Variants in NR3C2 observed in about 807,000 individuals in gnomAD.
NR3C2 encodes mineralocorticoid receptor.
Under a neutral mutation model 86.4 loss-of-function variants are expected in NR3C2, and 15 were observed. The observed-to-expected ratio is 0.17, with a 90% CI of 0.12 to 0.27. The LOEUF (loss-of-function observed/expected upper bound fraction) is 0.27, where lower values mean the gene tolerates loss of function less well. Among genes scored for constraint, NR3C2 ranks in the 10% least tolerant of loss-of-function variants. NR3C2 has a pLI of 1.00. For synonymous variants in NR3C2, 458 were observed against 450.5 expected, an observed-to-expected ratio of 1.02 and a Z score of -0.21; for missense variants, 960 against 1,195.6, an observed-to-expected ratio of 0.80 and a Z score of 2.91.
At chr4:148,287,285 C>T (rs1173810775) in intron 2 of NR3C2, among the ~76,000 whole-genome samples, 1 of 152,214 alleles carries the variant, frequency 6.6e-6, no homozygotes. Context: ...GGGAAGGCTT[C>T]CTATCTGATG....
At chr4:148,173,861 G>C (rs1735248105) in intron 4 of NR3C2, among the ~76,000 whole-genome samples, 1 of 152,162 alleles carries the variant, frequency 6.6e-6, no homozygotes, top group African/African-American at 2.4e-5. Flanking sequence ...AGCGTGGGCG[G>C]GAGGAGCCCC....
intron 3 of NR3C2, among the ~76,000 whole-genome samples, chr4:148,209,706 AT>A (rs1166484577): frequency 2.6e-5 from 4 of 152,156 alleles, no homozygotes; most frequent in Non-Finnish European, 5.9e-5. Flanking sequence ...CCACCAGCTG[AT>A]TTTTAGCTTA....
intron 4 of NR3C2, among the ~76,000 whole-genome samples, chr4:148,190,760 T>A (rs1736157218): frequency 6.6e-6 from 1 of 152,180 alleles, no homozygotes; most frequent in South Asian, 2.1e-4. Flanking sequence ...ACTGCTGCTT[T>A]AAAGTTTGTT....
intron 8 of NR3C2, among the ~76,000 whole-genome samples, chr4:148,112,455 A>T (rs1449614783): frequency 6.6e-6 from 1 of 152,196 alleles, no homozygotes; most frequent in African/African-American, 2.4e-5. Flanking sequence ...CATGTAGATG[A>T]TCTGTGGTTT....
At chr4:148,343,415 C>T (rs1349550427) in intron 2 of NR3C2, among the ~76,000 whole-genome samples, 1 of 150,778 alleles carries the variant, frequency 6.6e-6, no homozygotes, top group Middle Eastern at 3.4e-3. Flanking sequence ...CCGACCCCCC[C>T]TTTTTTTTAA....
At chr4:148,379,479 T>C (rs558180656) in intron 2 of NR3C2, among the ~76,000 whole-genome samples, 1 of 152,266 alleles carries the variant, frequency 6.6e-6, no homozygotes, top group Admixed American at 6.5e-5. Context: ...AGCCAGGATA[T>C]ATCTGAAGAG....
intron 8 of NR3C2, among the ~76,000 whole-genome samples, chr4:148,089,374 C>A (rs541469732): frequency 6.6e-6 from 1 of 152,284 alleles, no homozygotes; most frequent in African/African-American, 2.4e-5. Context: ...CATCTGTATC[C>A]GGGCTATAAG....
At chr4:148,255,866 G>C (rs777543181) in intron 3 of NR3C2, among the ~76,000 whole-genome samples, 4 of 152,188 alleles carry the variant, frequency 2.6e-5, no homozygotes, top group Non-Finnish European at 5.9e-5. Context: ...GAAGTCAAAA[G>C]GCCTACACAA....
At chr4:148,131,277 A>T (rs1338973791) in intron 6 of NR3C2, among the ~76,000 whole-genome samples, 2 of 152,342 alleles carry the variant, frequency 1.3e-5, no homozygotes, top group East Asian at 3.9e-4. Flanking sequence ...GCACAGACGT[A>T]ATCACAGCTG....
intron 4 of NR3C2, among the ~76,000 whole-genome samples, chr4:148,191,775 T>C (rs1736205833): frequency 6.6e-6 from 1 of 152,240 alleles, no homozygotes; most frequent in Non-Finnish European, 1.5e-5. Context: ...TCAATTCTAT[T>C]GCTTAGACTT....
intron 2 of NR3C2, among the ~76,000 whole-genome samples, chr4:148,381,775 T>C (rs924167558): frequency 3.3e-5 from 5 of 152,312 alleles, no homozygotes; most frequent in Middle Eastern, 3.4e-3. Context: ...AATGATACCA[T>C]AGTTTTTCCA....
At chr4:148,358,493 G>T (rs894460361) in intron 2 of NR3C2, among the ~76,000 whole-genome samples, 64 of 128,814 alleles carry the variant, frequency 5.0e-4, no homozygotes, top group African/African-American at 1.6e-3. Flanking sequence ...AGGGGGGAGG[G>T]GTAGCATTGG....
chr4:148,215,558 A>AAC (rs1737490101), intron 3 of NR3C2, among the ~76,000 whole-genome samples: 1 of 152,206 alleles, frequency 6.6e-6, no homozygotes. Context: ...ATGCATTTGT[A>AAC]ACACTGAGGT....
intron 2 of NR3C2, among the ~76,000 whole-genome samples, chr4:148,295,916 T>C (rs183552725): frequency 1.3e-5 from 2 of 152,064 alleles, no homozygotes; most frequent in East Asian, 3.9e-4. Context: ...GGAGCTCTAA[T>C]AATTGCATTT....
chr4:148,084,633 A>G (rs1025535569), intron 8 of NR3C2, among the ~76,000 whole-genome samples: 25 of 152,236 alleles, frequency 1.6e-4, no homozygotes, highest in African/African-American at 5.8e-4. Flanking sequence ...ACCAGCTAGC[A>G]TCATAATGAC....
At chr4:148,266,963 G>A (rs1740427605) in intron 2 of NR3C2, among the ~76,000 whole-genome samples, 3 of 152,210 alleles carry the variant, frequency 2.0e-5, no homozygotes, top group Non-Finnish European at 2.9e-5. Flanking sequence ...GCAGTTTGGA[G>A]AGTTACGGGG....
At chr4:148,259,576 G>A (rs538441803) in intron 3 of NR3C2, among the ~76,000 whole-genome samples, 5 of 152,168 alleles carry the variant, frequency 3.3e-5, no homozygotes, top group Non-Finnish European at 4.4e-5. Flanking sequence ...TGATATTAAC[G>A]TTTTAATTTG....
rs1737039007 is a variant in NR3C2, at chr4:148,206,960, C to T, written c.1898-12098G>A. On this transcript the variant is annotated intron_variant, in intron 3 of 8. Transcript: ENST00000358102. ...TTTTTGAGATAGGGTCTTTCTCTGT[C>T]ATCTAGGCTGGAGTACAGTGGCATG... Among the ~76,000 whole-genome samples, 3 of 151,956 alleles carry T rather than the reference C, an allele frequency of 2.0e-5. No individual in the cohort carries two copies. In the South Asian group the frequency reaches 6.2e-4, roughly 32 times the overall value.
rs182136049 is a variant in NR3C2, at chr4:148,277,430, T to C, written c.1758-17313A>G. Among the ~76,000 whole-genome samples, 26 of 152,196 alleles carry C rather than the reference T, an allele frequency of 1.7e-4. No homozygotes were observed. The East Asian group carries it at 3.5e-3, about 20-fold the overall frequency. On this transcript the variant is annotated intron_variant, in intron 2 of 8. Coordinates refer to ENST00000358102, the MANE Select transcript of NR3C2 (RefSeq NM_000901.5). The stretch of plus-strand genomic sequence containing the variant: ...CAAATTGATCTACATCAAAAACATA[T>C]GTAAGCCCAAGCACAGTGCTGCATG...
Sources: gnomAD v4.1 joint callset for allele counts (sites outside exome capture counted in the v4.1 genomes callset) on GRCh38, gnomAD v4.1.1 for gene constraint, MANE v1.5 for transcripts, NCBI Gene and HGNC (gene_info 2026-07-23, HGNC 2026-07-21) for gene names.